SEMA6D: variants seen among roughly 807,000 people sequenced by gnomAD.
The protein encoded by SEMA6D is semaphorin-6D.
A neutral mutation model predicts 106.6 loss-of-function variants in SEMA6D; 35 were observed. The observed-to-expected ratio is 0.33, with a 90% CI of 0.25 to 0.44. SEMA6D has a LOEUF of 0.44. Ranked by LOEUF, SEMA6D falls within the 20% of genes least tolerant of loss-of-function variation. SEMA6D has a pLI of 1.00. For missense variants in SEMA6D, 1,185 were observed against 1,345.9 expected, an observed-to-expected ratio of 0.88 and a Z score of 1.87; for synonymous variants, 499 against 487.7, an observed-to-expected ratio of 1.02 and a Z score of -0.31.
intron 3 of SEMA6D, among the ~76,000 whole-genome samples, chr15:47,482,753 A>G (rs2043188415): frequency 6.6e-6 from 1 of 152,116 alleles, no homozygotes; most frequent in Non-Finnish European, 1.5e-5. Context: ...ATGTGGGAGG[A>G]TTTCTTGTTT....
At chr15:47,255,843 C>G (rs2142003694) in intron 1 of SEMA6D, among the ~76,000 whole-genome samples, 1 of 152,250 alleles carries the variant, frequency 6.6e-6, no homozygotes, top group African/African-American at 2.4e-5. Context: ...TGTCTGTAAT[C>G]TATTTCAAGT....
chr15:47,450,341 T>C (rs1051741204), intron 2 of SEMA6D, among the ~76,000 whole-genome samples: 1 of 152,072 alleles, frequency 6.6e-6, no homozygotes. Context: ...AATGCAATGC[T>C]CCCACCTCCA....
chr15:47,403,990 G>A (rs2040478781), intron 1 of SEMA6D, among the ~76,000 whole-genome samples: 1 of 152,156 alleles, frequency 6.6e-6, no homozygotes, highest in African/African-American at 2.4e-5. Flanking sequence ...AATTATGCCT[G>A]TGAAAATAAA....
At chr15:47,258,893 T>C (rs1005883961) in intron 1 of SEMA6D, among the ~76,000 whole-genome samples, 4 of 152,182 alleles carry the variant, frequency 2.6e-5, no homozygotes, top group African/African-American at 9.7e-5. Context: ...TTTCCTTTCA[T>C]TCTTCCTCTG....
chr15:47,771,389 C>T lies in SEMA6D; in HGVS notation c.2826C>T (p.Thr942=). 1 of 1,614,036 alleles carries T rather than the reference C, an allele frequency of 6.2e-7. No homozygotes were observed. The highest frequency in any genetic ancestry group is 1.3e-5 in the African/African-American group (1 of 75,040). Residue 942 remains threonine (T), a synonymous_variant, in exon 19 of 19, where the codon ACC becomes ACT. Coordinates refer to ENST00000536845, the MANE Select transcript of SEMA6D (RefSeq NM_001358351.3). ...CAACTCTCCCCAGAAATAGCCCAAC[C>T]AAGCGAGTGGATGTCCCCACCACTC... The part of the protein sequence containing the change: ...PPSTLPRNSP[T]KRVDVPTTPG...
chr15:47,422,183 T>TGCC (rs1384727192), intron 2 of SEMA6D, among the ~76,000 whole-genome samples: 18 of 99,682 alleles, frequency 1.8e-4, no homozygotes, highest in African/African-American at 7.0e-4. Flanking sequence ...CCTGCCTGCC[T>TGCC]TCCTTCCTTC....
At chr15:47,389,740 A>C (rs2039964630) in intron 1 of SEMA6D, among the ~76,000 whole-genome samples, 1 of 152,204 alleles carries the variant, frequency 6.6e-6, no homozygotes. Flanking sequence ...TTTAGGCTGG[A>C]AATTTGGGAG....
intron 3 of SEMA6D, among the ~76,000 whole-genome samples, chr15:47,538,708 A>G (rs2045255472): frequency 6.6e-6 from 1 of 152,212 alleles, no homozygotes; most frequent in African/African-American, 2.4e-5. Context: ...TGTTCTAAAA[A>G]AATAAGTCTT....
chr15:47,253,976 A>G (rs908538477), intron 1 of SEMA6D, among the ~76,000 whole-genome samples: 6 of 152,056 alleles, frequency 3.9e-5, no homozygotes, highest in East Asian at 1.9e-4. Context: ...AATTCTTTCA[A>G]TCATTGAGCA....
At chr15:47,265,002 G>T (rs2034251904) in intron 1 of SEMA6D, among the ~76,000 whole-genome samples, 1 of 151,938 alleles carries the variant, frequency 6.6e-6, no homozygotes, top group Non-Finnish European at 1.5e-5. Flanking sequence ...TATGTTCCTG[G>T]ATTCAGTTTG....
intron 1 of SEMA6D, chr15:47,380,345 GTTC>G (rs2039594588): frequency 6.6e-6 from 1 of 152,030 alleles, no homozygotes; most frequent in African/African-American, 2.4e-5. Flanking sequence ...CAGTTTCCAG[GTTC>G]AGTCCCTTGG....
At chr15:47,282,016 C>G (rs991609657) in intron 1 of SEMA6D, among the ~76,000 whole-genome samples, 1 of 152,128 alleles carries the variant, frequency 6.6e-6, no homozygotes, top group Non-Finnish European at 1.5e-5. Context: ...CATTACAATA[C>G]TATACTGCCT....
chr15:47,465,839 T>C (rs1426410561), intron 2 of SEMA6D, among the ~76,000 whole-genome samples: 2 of 152,150 alleles, frequency 1.3e-5, no homozygotes, highest in African/African-American at 2.4e-5. Flanking sequence ...TGTAGTTCTT[T>C]ATAGCAATGC....
chr15:47,499,863 G>T (rs370822493), intron 3 of SEMA6D, among the ~76,000 whole-genome samples: 7 of 152,024 alleles, frequency 4.6e-5, no homozygotes, highest in Admixed American at 1.3e-4. Flanking sequence ...GTCTCAGTGG[G>T]TCAAGCTTTT....
At chr15:47,427,678 T>G (rs1220632755) in intron 2 of SEMA6D, among the ~76,000 whole-genome samples, 1 of 152,160 alleles carries the variant, frequency 6.6e-6, no homozygotes, top group Non-Finnish European at 1.5e-5. Flanking sequence ...TAATGTTATC[T>G]TCTCTAACTC....
intron 4 of SEMA6D, among the ~76,000 whole-genome samples, chr15:47,612,477 C>T (rs576354553): frequency 6.6e-6 from 1 of 152,160 alleles, no homozygotes; most frequent in Admixed American, 6.5e-5. Context: ...GTGTAAGAAG[C>T]TCTTATCCAA....
In SEMA6D at chr15:47,764,762, G is replaced by A. The variant is rs1485093912; in HGVS notation, c.1222G>A (p.Asp408Asn). 1.4e-5 allele frequency: 23 copies of A among 1,613,816 alleles called. No homozygotes were observed. The highest frequency in any genetic ancestry group is 5.3e-5 in the African/African-American group (4 of 74,912). ...LMDSAVPPIA[D>N]EPWFTKTRVR... ...GGACTCTGCCGTTCCACCCATTGCC[G>A]ATGAGCCCTGGTTCACAAAGACTCG... Residue 408 changes from aspartate (D) to asparagine (N), a missense_variant, in exon 12 of 19, where the codon GAT becomes AAT. This residue lies in a region of SEMA6D where 291 missense variants were observed against 423.8 expected (regional missense o/e 0.69). Transcript: ENST00000536845.
intron 1 of SEMA6D, among the ~76,000 whole-genome samples, chr15:47,302,978 G>A (rs974916202): frequency 5.3e-5 from 8 of 152,354 alleles, no homozygotes; most frequent in South Asian, 4.1e-4. Flanking sequence ...TTTACCAGAA[G>A]AATTCATGGC....
intron 3 of SEMA6D, among the ~76,000 whole-genome samples, chr15:47,513,851 C>A (rs565823260): frequency 2.6e-5 from 4 of 152,326 alleles, no homozygotes; most frequent in Non-Finnish European, 4.4e-5. Flanking sequence ...CATTGTAATG[C>A]AGATTGTTGA....
Sources: gnomAD v4.1 joint callset for allele counts (sites outside exome capture counted in the v4.1 genomes callset) on GRCh38, gnomAD v4.1.1 for gene constraint, gnomAD v4.1.1 regional missense constraint, MANE v1.5 for transcripts, NCBI Gene and HGNC (gene_info 2026-07-23, HGNC 2026-07-21) for gene names.